Variants in BICRA observed in about 807,000 individuals in gnomAD.
The protein encoded by BICRA is BRD4 interacting chromatin remodeling complex associated protein.
In BICRA, 31 loss-of-function variants were observed where a neutral mutation model predicts 96.9. The observed-to-expected ratio is 0.32, with a 90% CI of 0.24 to 0.43. The LOEUF (loss-of-function observed/expected upper bound fraction) is 0.43. Among genes scored for constraint, BICRA ranks in the 20% least tolerant of loss-of-function variants. BICRA has a pLI of 1.00. For synonymous variants in BICRA, 1,350 were observed against 1,071.8 expected, an observed-to-expected ratio of 1.26 and a Z score of -5.07; for missense variants, 2,283 against 2,190.3, an observed-to-expected ratio of 1.04 and a Z score of -0.84.
Position 47,679,541 on chromosome 19 carries a change from T to C in BICRA, c.371T>C (p.Leu124Pro), listed in dbSNP as rs1972994512. Residue 124 changes from leucine (L) to proline (P), a missense_variant, in exon 6 of 15, where the codon CTG becomes CCG. Physicochemically the swap from Leu to Pro is moderately conservative, Grantham distance 98 (BLOSUM62 -3). Coordinates refer to ENST00000594866, the MANE Select transcript of BICRA (RefSeq NM_001394372.1). Reference protein sequence around the residue: ...TEQTLEAEAELDLGPFQLPTL... With the variant: ...TEQTLEAEAEPDLGPFQLPTL... ...CAGACGCTGGAGGCCGAGGCTGAGC[T>C]GGACCTGGGTCCCTTCCAGCTGCCC... 1 of 1,547,414 alleles carries C rather than the reference T, an allele frequency of 6.5e-7. No homozygotes were observed. The highest frequency in any genetic ancestry group is 1.4e-5 in the African/African-American group (1 of 72,800).
In BICRA at chr19:47,682,117, C is replaced by T; in HGVS notation, c.2248C>T (p.Pro750Ser). 2 of 1,514,978 alleles carry T rather than the reference C, an allele frequency of 1.3e-6. No individual in the cohort carries two copies. The highest frequency in any genetic ancestry group is 8.9e-7 in the Non-Finnish European group (1 of 1,118,268). 93.8% of individuals were successfully genotyped at this position (1,514,978 alleles called of 1,614,324 possible). The change falls in exon 7 of 15, where the codon CCC (proline) becomes TCC (serine). Residue 750 changes from proline (P) to serine (S), a missense_variant. Coordinates refer to ENST00000594866, the MANE Select transcript of BICRA (RefSeq NM_001394372.1). ...AGGAGCTGGCCTCGGCCCTCAGGCC[C>T]CCGACAGCCAGGCTTCCCCGGCTCC... is the stretch of plus-strand genomic sequence containing the variant. ...AKGAGLGPQAPDSQASPAPAP... is the reference protein window; with the variant it reads ...AKGAGLGPQASDSQASPAPAP...
intron 6 of BICRA, 26 bp downstream of exon 6, chr19:47,681,302 G>A (rs1973054308): frequency 1.3e-6 from 2 of 1,538,728 alleles, no homozygotes; most frequent in East Asian, 4.8e-5. Flanking sequence ...CAAGGGAGCA[G>A]GTACCGGAGG....
chr19:47,667,627 G>A (rs993841518), intron 1 of BICRA, among the ~76,000 whole-genome samples: 2 of 152,100 alleles, frequency 1.3e-5, no homozygotes, highest in African/African-American at 4.8e-5. Flanking sequence ...GTGTTCCAGG[G>A]TCTTGCGACA....
At chr19:47,639,554 C>T (rs1194176352) in intron 1 of BICRA, among the ~76,000 whole-genome samples, 4 of 151,390 alleles carry the variant, frequency 2.6e-5, no homozygotes, top group Non-Finnish European at 5.9e-5. Context: ...TGGTCTCGAT[C>T]TCCTGACCTC....
chr19:47,696,509 C>A lies in BICRA; in HGVS notation c.3245C>A (p.Ala1082Asp), dbSNP rs1268851213. The change falls in exon 11 of 15, where the codon GCC (alanine) becomes GAC (aspartate). Residue 1082 changes from alanine to aspartate, a missense_variant. Physicochemically the swap from Ala to Asp is moderately radical, Grantham distance 126. Coordinates refer to ENST00000594866, the MANE Select transcript of BICRA (RefSeq NM_001394372.1). ...KPPTLQPSKE[A>D]CFLEHLHKHQ... Reference sequence around the variant, plus strand: ...CCCACGCTTCAGCCCAGCAAGGAAGCCTGGTGAGTCCACACCCCATCCTTG... The same window carrying A: ...CCCACGCTTCAGCCCAGCAAGGAAGACTGGTGAGTCCACACCCCATCCTTG... 2.5e-6 allele frequency: 4 copies of A among 1,601,578 alleles called. No homozygotes were observed. In the Admixed American group the frequency reaches 6.8e-5, roughly 27 times the overall value.
intron 1 of BICRA, among the ~76,000 whole-genome samples, chr19:47,614,703 G>A (rs1019826568): frequency 2.0e-5 from 3 of 152,090 alleles, no homozygotes; most frequent in Admixed American, 2.0e-4. Context: ...TTTTTTCCAC[G>A]CTTCATCTCC....
rs756506682 is a variant in BICRA at position 47,694,420 on chromosome 19, C to A, written c.2589C>A (p.Arg863=). ...TAPGPPQPPL[R]PQSQPPEGPL... ...CAGGCCCGCCGCAGCCGCCTCTCCG[C>A]CCCCAGTCCCAGCCGCCTGAGGGAC... Residue 863 remains arginine, a synonymous_variant, in exon 8 of 15, where the codon CGC becomes CGA. Transcript: ENST00000594866. The A allele has an allele frequency of 7.6e-6, 8 of 1,051,634 alleles. No homozygotes were observed. The highest frequency in any genetic ancestry group is 1.2e-5 in the Non-Finnish European group (8 of 688,918). 65.1% of individuals were successfully genotyped at this position (1,051,634 alleles called of 1,614,324 possible). A position where few individuals can be genotyped will look rare whatever the true frequency, so the allele number is the denominator to read the frequency against.
intron 7 of BICRA, among the ~76,000 whole-genome samples, chr19:47,693,398 G>A (rs2974184): frequency 0.44 from 67,038 of 152,144 alleles, 15,386 homozygotes; most frequent in East Asian, 0.66. Context: ...CTCACGTGGC[G>A]CCCAGGTAGG....
rs1292216032 is a variant in BICRA at position 47,644,452 on chromosome 19, C to CTCCT, written c.-107-25987_-107-25984dup. Among the ~76,000 whole-genome samples the CTCCT allele has an allele frequency of 5.0e-5, 7 of 138,776 alleles. No individual in the cohort carries two copies. In the Admixed American group the frequency reaches 5.1e-4, roughly 10 times the overall value. The allele number at this position is 138,776 out of a possible 152,430, so 91.0% of individuals were successfully genotyped here. Reference sequence around the variant, plus strand: ...CCTCCCTCCCTTCCTCCCTCCCTCCCTCCTTCCCCTCCCCTTTCCCTACCC... The same window carrying CTCCT: ...CCTCCCTCCCTTCCTCCCTCCCTCCCTCCTTCCTTCCCCTCCCCTTTCCCTACCC... On this transcript the variant is annotated intron_variant, in intron 1 of 14. Coordinates refer to ENST00000594866, the MANE Select transcript of BICRA (RefSeq NM_001394372.1).
rs1384430983 is a variant in BICRA, at chr19:47,698,146, G to A, written c.3249-488G>A. ...GCCGAGGGTGGAGTTGGGCCTGCCT[G>A]GTGGGGGAGACAGTCACACTGCCAA... On this transcript the variant is annotated intron_variant, in intron 11 of 14. Transcript: ENST00000594866. The surrounding 1 kb of genome is among the most constrained non-coding windows in gnomAD (Gnocchi z 4.8). Among the ~76,000 whole-genome samples, 1 of 152,144 alleles carries A rather than the reference G, an allele frequency of 6.6e-6. No homozygotes were observed. The highest frequency in any genetic ancestry group is 1.5e-5 in the Non-Finnish European group (1 of 68,026).
At chr19:47,696,411 T>G in intron 10 of BICRA, 40 bp from the exon 11 acceptor site, 1 of 1,551,556 alleles carries the variant, frequency 6.4e-7, no homozygotes, top group Non-Finnish European at 8.7e-7. Context: ...AGGGAAGGCT[T>G]CTGGAGGCAA....
At chr19:47,659,664 G>A (rs1050865320) in intron 1 of BICRA, among the ~76,000 whole-genome samples, 1 of 149,736 alleles carries the variant, frequency 6.7e-6, no homozygotes, top group Admixed American at 6.7e-5. Flanking sequence ...AACAACCTGT[G>A]CAGCTGTACA....
At chr19:47,690,945 C>T (rs941320818) in intron 7 of BICRA, among the ~76,000 whole-genome samples, 1 of 152,104 alleles carries the variant, frequency 6.6e-6, no homozygotes, top group African/African-American at 2.4e-5. Context: ...GTTCTTTACT[C>T]CTCAACTAGA....
chr19:47,680,259 C>G lies in BICRA; in HGVS notation c.1089C>G (p.Leu363=), dbSNP rs1240599296. ...CCGCGGGGGTGCTGCCGCCCAAGCT[C>G]TACCAGCTGACGCCCAAGCCGTTTG... ...PKPAGVLPPK[L]YQLTPKPFAP... The change falls in exon 6 of 15, where the codon CTC becomes CTG. Residue 363 remains leucine, a synonymous_variant. Coordinates refer to ENST00000594866, the MANE Select transcript of BICRA (RefSeq NM_001394372.1). 6.4e-7 allele frequency: 1 copy of G among 1,561,902 alleles called. No homozygotes were observed. The highest frequency in any genetic ancestry group is 2.4e-5 in the East Asian group (1 of 41,656).
intron 1 of BICRA, among the ~76,000 whole-genome samples, chr19:47,626,553 T>C (rs1286284216): frequency 2.0e-5 from 3 of 149,058 alleles, no homozygotes; most frequent in African/African-American, 7.4e-5. Context: ...TGTGCCACCA[T>C]GGCCCGCTAA....
rs886797139 is a variant in BICRA, at chr19:47,677,444, C to G, written c.150+1528C>G. ...GGGCACGGTGGCTCACGCCTGTAAT[C>G]CCAGCACTTTGGGAGGCCGAGGTGG... On this transcript the variant is annotated intron_variant, in intron 5 of 14. Coordinates refer to ENST00000594866, the MANE Select transcript of BICRA (RefSeq NM_001394372.1). 1.7e-4 allele frequency among the ~76,000 whole-genome samples: 26 copies of G among 152,214 alleles called. 1 individual carries two copies. The highest frequency in any genetic ancestry group is 1.4e-3 in the Admixed American group (22 of 15,272).
chr19:47,630,339 T>C (rs1461449384), intron 1 of BICRA, among the ~76,000 whole-genome samples: 1 of 151,626 alleles, frequency 6.6e-6, no homozygotes, highest in Non-Finnish European at 1.5e-5. Context: ...TTTTTTTGCT[T>C]TTTGTTTTTT....
intron 2 of BICRA, among the ~76,000 whole-genome samples, chr19:47,672,489 AAG>A (rs1972882293): frequency 1.3e-5 from 2 of 151,706 alleles, no homozygotes; most frequent in Non-Finnish European, 2.9e-5. Flanking sequence ...AGAGGGAGGA[AAG>A]AGGAAGCTTT....
chr19:47,670,326 C>G (rs1328670470), intron 1 of BICRA, 117 bp from the exon 2 acceptor site: 1 of 152,360 alleles, frequency 6.6e-6, no homozygotes. Flanking sequence ...TCTTCCATCC[C>G]CCTCCTTTGT....
Sources: allele counts gnomAD v4.1 joint callset (sites outside exome capture counted in the v4.1 genomes callset), GRCh38; gene constraint gnomAD v4.1.1; non-coding constraint Gnocchi (gnomAD v3.1); transcripts MANE v1.5; gene names NCBI Gene and HGNC (gene_info 2026-07-23, HGNC 2026-07-21).